The following HAUS5 variants were observed in gnomAD, a reference collection of about 807,000 sequenced individuals.
The protein encoded by HAUS5 is HAUS augmin like complex subunit 5, also known as HAUS augmin-like complex subunit 5.
In HAUS5, 67 loss-of-function variants were observed where a neutral mutation model predicts 94.1. That is an observed-to-expected ratio of 0.71 (90% CI 0.58 to 0.87). HAUS5 has a LOEUF of 0.87. Ranked by LOEUF, HAUS5 falls within the 40% of genes least tolerant of loss-of-function variation. The pLI, the probability that HAUS5 is intolerant of heterozygous loss-of-function variation, is 0.00. For synonymous variants in HAUS5, 339 were observed against 355.4 expected, an observed-to-expected ratio of 0.95 and a Z score of 0.52; for missense variants, 739 against 825.6, an observed-to-expected ratio of 0.90 and a Z score of 1.29.
At position 35,622,978 on chromosome 19, in the gene HAUS5, G is replaced by A. The variant is rs566042310; in HGVS notation, c.1887G>A (p.Gln629=). The A allele has an allele frequency of 2.2e-5, 36 of 1,609,072 alleles. No homozygotes were observed. In the East Asian group the frequency reaches 7.8e-4, roughly 35 times the overall value. ...LRWVQAQGAL[Q]KLCS is the part of the protein sequence containing the mutation. The stretch of plus-strand genomic sequence containing the variant: ...GGGTTCAGGCCCAGGGGGCCCTGCA[G>A]AAGCTGTGCAGCTGAAGAGAGGGTT... The change falls in exon 19 of 19, where the codon CAG becomes CAA. Residue 629 remains glutamine, a synonymous_variant. Coordinates refer to ENST00000203166, the MANE Select transcript of HAUS5 (RefSeq NM_015302.2).
In HAUS5 at chr19:35,618,663, A is replaced by G; in HGVS notation, c.980A>G (p.Glu327Gly). ...ACCCAGCGCCTCCAGGGCCTGGTGG[A>G]GGAGGTGGAGAGACGCGTCCTGGGA... ...VLTQRLQGLV[E>G]EVERRVLGSS... Residue 327 changes from glutamate (E) to glycine (G), a missense_variant, in exon 12 of 19, where the codon GAG (glutamate) becomes GGG (glycine). Physicochemically the swap from Glu to Gly is moderately conservative, Grantham distance 98. Coordinates refer to ENST00000203166, the MANE Select transcript of HAUS5 (RefSeq NM_015302.2). The G allele has an allele frequency of 6.2e-7, 1 of 1,605,288 alleles. No homozygotes were observed. Among genetic ancestry groups the G allele is most frequent in the Non-Finnish European group, 8.5e-7 (1 of 1,173,444 alleles).
At chr19:35,620,349 A>G in intron 17 of HAUS5, 22 bp downstream of exon 17, 1 of 1,600,052 alleles carries the variant, frequency 6.2e-7, no homozygotes, top group Non-Finnish European at 8.5e-7. Context: ...CTGCCACCCC[A>G]TCCAGCCTCC....
At chr19:35,622,236 G>A (rs1252792977) in intron 17 of HAUS5, among the ~76,000 whole-genome samples, 2 of 151,988 alleles carry the variant, frequency 1.3e-5, no homozygotes, top group African/African-American at 2.4e-5. Context: ...GGGTGAACCA[G>A]AGCAGGAGAC....
In HAUS5 at chr19:35,623,071, AAGC is replaced by A. The variant is rs775382505; in HGVS notation, c.*82_*84del. ...CACCTCCCCCAGGACATTTGGAAGA[AAGC>A]AGCGCCAGGATTCCTCGGCAGTCGT... is the stretch of plus-strand genomic sequence containing the variant. On this transcript the variant is annotated 3_prime_UTR_variant, in exon 19 of 19. Coordinates refer to ENST00000203166, the MANE Select transcript of HAUS5 (RefSeq NM_015302.2). 3.0e-6 allele frequency: 3 copies of A among 1,000,210 alleles called. No homozygotes were observed. Among genetic ancestry groups the A allele is most frequent in the Admixed American group, 2.1e-5 (1 of 47,678 alleles). 62.0% of individuals were successfully genotyped at this position (1,000,210 alleles called of 1,614,324 possible). A position where few individuals can be genotyped will look rare whatever the true frequency, so the allele number is the denominator to read the frequency against.
rs369892893 is a variant in HAUS5, at chr19:35,617,938, G to A, written c.696+26G>A. 6.0e-5 allele frequency: 96 copies of A among 1,612,828 alleles called. No individual in the cohort carries two copies. The African/African-American group carries it at 1.2e-3, about 20-fold the overall frequency. ...GTGAGAGGGCAGGGCTCTCAGGAAA[G>A]CCACACCCTCCCGCTCCTTGATCAA... On this transcript the variant is annotated intron_variant, in intron 9 of 18. Coordinates refer to ENST00000203166, the MANE Select transcript of HAUS5 (RefSeq NM_015302.2).
At chr19:35,617,788 G>A (rs2071957866) in intron 8 of HAUS5, 67 bp from the exon 9 acceptor site, 1 of 1,332,758 alleles carries the variant, frequency 7.5e-7, no homozygotes, top group Non-Finnish European at 1.1e-6. Context: ...TTATAGGGTG[G>A]TGGTGATAAC....
chr19:35,622,790 G>C, intron 18 of HAUS5, 57 bp downstream of exon 18: 2 of 1,610,492 alleles, frequency 1.2e-6, no homozygotes, highest in Non-Finnish European at 1.7e-6. Context: ...CAAGCTGGGG[G>C]CCTGATGAGA....
chr19:35,613,578 A>G, intron 1 of HAUS5, 152 bp from the exon 2 acceptor site: 1 of 615,514 alleles, frequency 1.6e-6, no homozygotes, highest in South Asian at 2.0e-5. Context: ...CTTAAAAAAA[A>G]AAAAAAAAAA....
At chr19:35,617,072 C>T (rs1029133896) in intron 6 of HAUS5, 52 bp from the exon 7 acceptor site, 2 of 1,469,416 alleles carry the variant, frequency 1.4e-6, no homozygotes, top group Non-Finnish European at 9.5e-7. Flanking sequence ...AGATGGGGCA[C>T]AGACATCTGT....
rs1967279295 is a variant in HAUS5 at position 35,624,763 on chromosome 19, T to C, written c.*1770T>C. The C allele has an allele frequency of 6.6e-6, 1 of 152,166 alleles. No individual in the cohort carries two copies. The highest frequency in any genetic ancestry group is 2.1e-4 in the South Asian group (1 of 4,830). 9.4% of individuals were successfully genotyped at this position (152,166 alleles called of 1,614,324 possible). A position where few individuals can be genotyped will look rare whatever the true frequency, so the allele number is the denominator to read the frequency against. ...TTCCCCTGTCTCAGTAAATTTTTTT[T>C]CCCAAACTAAGTGAACATTAGATTT... On this transcript the variant is annotated 3_prime_UTR_variant, in exon 19 of 19. Coordinates refer to ENST00000203166, the MANE Select transcript of HAUS5 (RefSeq NM_015302.2).
intron 17 of HAUS5, 44 bp from the exon 18 acceptor site, chr19:35,622,557 G>A (rs2285413): frequency 0.27 from 431,506 of 1,598,376 alleles, 63,177 homozygotes; most frequent in Admixed American, 0.49. Context: ...AGGTACCAGC[G>A]AGCCAGAGGA....
At position 35,622,899 on chromosome 19, in the gene HAUS5, C is replaced by T; in HGVS notation, c.1808C>T (p.Ala603Val). Residue 603 changes from alanine to valine, a missense_variant, in exon 19 of 19, where the codon GCC (alanine) becomes GTC (valine). Physicochemically the swap from Ala to Val is moderately conservative, Grantham distance 64. Coordinates refer to ENST00000203166, the MANE Select transcript of HAUS5 (RefSeq NM_015302.2). ...GDWWEQPGQA[A>V]LSEELCQGLS... The stretch of plus-strand genomic sequence containing the variant: ...AGGTGGGAGCAGCCAGGCCAGGCCG[C>T]CCTCTCTGAGGAGCTCTGCCAGGGC... 1 of 1,614,076 alleles carries T rather than the reference C, an allele frequency of 6.2e-7. No homozygotes were observed. The highest frequency in any genetic ancestry group is 8.5e-7 in the Non-Finnish European group (1 of 1,179,976).
In HAUS5 at chr19:35,619,482, G is replaced by C; in HGVS notation, c.1238G>C (p.Arg413Pro). ...LIKGNSASKT[R>P]LCRSPGEVLA... Reference sequence around the variant, plus strand: ...AAGGGAAACTCGGCCAGCAAGACCCGCCTGTGCCGGAGCCCGGGGGAGGTG... The same window carrying C: ...AAGGGAAACTCGGCCAGCAAGACCCCCCTGTGCCGGAGCCCGGGGGAGGTG... Residue 413 changes from arginine (R) to proline (P), a missense_variant, in exon 14 of 19, where the codon CGC becomes CCC. Physicochemically the swap from Arg to Pro is moderately radical, Grantham distance 103. Coordinates refer to ENST00000203166, the MANE Select transcript of HAUS5 (RefSeq NM_015302.2). 6.2e-7 allele frequency: 1 copy of C among 1,610,118 alleles called. No homozygotes were observed. The highest frequency in any genetic ancestry group is 8.5e-7 in the Non-Finnish European group (1 of 1,177,948).
Position 35,619,421 on chromosome 19 carries a change from CAGG to C in HAUS5, c.1183_1185del (p.Glu395del). 2 of 1,583,914 alleles carry C rather than the reference CAGG, an allele frequency of 1.3e-6. No individual in the cohort carries two copies. Among genetic ancestry groups the C allele is most frequent in the Non-Finnish European group, 1.7e-6 (2 of 1,162,604 alleles). On this transcript the variant is annotated splice_acceptor_variant and coding_sequence_variant, in exon 14 of 19. Transcript: ENST00000203166. LOFTEE classifies it high-confidence loss of function. Reference sequence around the variant, plus strand: ...TGGGTCTCAGGGTATCCTGGTTCCTCAGGAGGAGACCCAGGAACAGGTCCGCCT... The same window carrying C: ...TGGGTCTCAGGGTATCCTGGTTCCTCAGGAGACCCAGGAACAGGTCCGCCT...
intron 6 of HAUS5, among the ~76,000 whole-genome samples, chr19:35,616,885 T>C (rs1336893455): frequency 6.6e-6 from 1 of 152,192 alleles, no homozygotes; most frequent in African/African-American, 2.4e-5. Context: ...GGACATGATC[T>C]TCCTACAGTT....
rs113322083 is a variant in HAUS5, at chr19:35,619,468, G to A, written c.1224G>A (p.Ser408=). 6 of 1,608,116 alleles carry A rather than the reference G, an allele frequency of 3.7e-6. No homozygotes were observed. Among genetic ancestry groups the A allele is most frequent in the African/African-American group, 2.7e-5 (2 of 74,844 alleles). Residue 408 remains serine (S), a synonymous_variant, in exon 14 of 19, where the codon TCG becomes TCA. Transcript: ENST00000203166. The part of the protein sequence containing the change: ...EQVRLLIKGN[S]ASKTRLCRSP... ...TCCGCCTGCTCATCAAGGGAAACTC[G>A]GCCAGCAAGACCCGCCTGTGCCGGA...
intron 14 of HAUS5, 29 bp from the exon 15 acceptor site, chr19:35,619,584 G>GCGGC: frequency 2.0e-6 from 3 of 1,533,870 alleles, no homozygotes; most frequent in Non-Finnish European, 1.8e-6. Flanking sequence ...ATGTTGTGAT[G>GCGGC]CCCCACCCAC....
intron 6 of HAUS5, 136 bp downstream of exon 6, chr19:35,615,522 G>A: frequency 4.4e-6 from 3 of 687,994 alleles, no homozygotes; most frequent in Non-Finnish European, 2.4e-6. Flanking sequence ...AGGCCAGGAG[G>A]TTTTGTCATC....
At chr19:35,621,451 T>C (rs144291493) in intron 17 of HAUS5, among the ~76,000 whole-genome samples, 5,240 of 152,240 alleles carry the variant, frequency 0.034, 148 homozygotes, top group South Asian at 0.11. Context: ...CAAGCCATCC[T>C]CCTGCCTCAG....
Sources: allele counts gnomAD v4.1 joint callset (sites outside exome capture counted in the v4.1 genomes callset), GRCh38; gene constraint gnomAD v4.1.1; transcripts MANE v1.5; gene names NCBI Gene and HGNC (gene_info 2026-07-23, HGNC 2026-07-21).